The following ARB2A variants were observed in gnomAD, a reference collection of about 807,000 sequenced individuals.
The protein encoded by ARB2A is cotranscriptional regulator ARB2A.
the ARB2A span, among the ~76,000 whole-genome samples, chr5:93,764,187 A>G: frequency 6.6e-6 from 1 of 152,216 alleles, no homozygotes; most frequent in Non-Finnish European, 1.5e-5. Context: ...AAGGCAAGAA[A>G]TAACTAAAAT....
At chr5:93,760,064 T>G in the ARB2A span, among the ~76,000 whole-genome samples, 1 of 152,122 alleles carries the variant, frequency 6.6e-6, no homozygotes. Context: ...GATAAAAGAT[T>G]AATGTACACA....
At chr5:93,897,513 CAA>C in the ARB2A span, among the ~76,000 whole-genome samples, 1 of 151,806 alleles carries the variant, frequency 6.6e-6, no homozygotes, top group Non-Finnish European at 1.5e-5. Flanking sequence ...GCAAAAAGGA[CAA>C]AAGAGACTGT....
At chr5:93,869,293 G>A in the ARB2A span, among the ~76,000 whole-genome samples, 2 of 152,134 alleles carry the variant, frequency 1.3e-5, no homozygotes, top group Non-Finnish European at 2.9e-5. Flanking sequence ...AGTAGAGAGA[G>A]GGGCTAATAT....
chr5:93,869,015 G>A, the ARB2A span, among the ~76,000 whole-genome samples: 29 of 152,218 alleles, frequency 1.9e-4, no homozygotes, highest in Admixed American at 4.6e-4. Flanking sequence ...CTGGTGTAGC[G>A]GGAAAAACAC....
chr5:93,735,331 G>A, the ARB2A span: 1 of 152,198 alleles, frequency 6.6e-6, no homozygotes, highest in Non-Finnish European at 1.5e-5. Context: ...ATGTGAAGCT[G>A]ATTAGTGACA....
At chr5:93,831,569 A>T in the ARB2A span, among the ~76,000 whole-genome samples, 5 of 152,204 alleles carry the variant, frequency 3.3e-5, no homozygotes, top group East Asian at 7.7e-4. Context: ...TCAGTAATCC[A>T]CATATGTGAG....
chr5:93,767,987 C>T, the ARB2A span, among the ~76,000 whole-genome samples: 1 of 102,750 alleles, frequency 9.7e-6, no homozygotes, highest in African/African-American at 4.3e-5. Context: ...GAGCTAGACT[C>T]CATCTCAAAA....
At chr5:93,639,115 G>A in the ARB2A span, among the ~76,000 whole-genome samples, 19,479 of 152,110 alleles carry the variant, frequency 0.13, 1,354 homozygotes, top group Middle Eastern at 0.23. Flanking sequence ...TATGAACAAC[G>A]TAAAACTGGC....
the ARB2A span, among the ~76,000 whole-genome samples, chr5:93,798,168 A>G: frequency 6.6e-6 from 1 of 152,262 alleles, no homozygotes; most frequent in Non-Finnish European, 1.5e-5. Context: ...ACCCACTTCC[A>G]TAAGAACCCA....
the ARB2A span, among the ~76,000 whole-genome samples, chr5:93,831,574 T>C: frequency 6.6e-6 from 1 of 152,090 alleles, no homozygotes; most frequent in East Asian, 1.9e-4. Flanking sequence ...AATCCACATA[T>C]GTGAGATGAT....
the ARB2A span, among the ~76,000 whole-genome samples, chr5:93,760,195 G>C: frequency 6.6e-6 from 1 of 152,100 alleles, no homozygotes; most frequent in South Asian, 2.1e-4. Flanking sequence ...CCTAACCAAG[G>C]AGTCAGAAGA....
chr5:93,873,075 C>T, the ARB2A span, among the ~76,000 whole-genome samples: 7 of 152,002 alleles, frequency 4.6e-5, no homozygotes, highest in Admixed American at 3.3e-4. Flanking sequence ...TAGGCAAAGG[C>T]CTGTCTTCAT....
the ARB2A span, among the ~76,000 whole-genome samples, chr5:94,070,740 G>A: frequency 4.0e-5 from 6 of 151,344 alleles, no homozygotes; most frequent in African/African-American, 9.7e-5. Context: ...TCAACAATAA[G>A]AACACAAACA....
the ARB2A span, among the ~76,000 whole-genome samples, chr5:93,696,970 G>A: frequency 4.0e-5 from 6 of 150,844 alleles, no homozygotes; most frequent in African/African-American, 1.5e-4. Context: ...GCTGAGGCAG[G>A]AGAATCGCTT....
At chr5:93,659,460 T>C in the ARB2A span, among the ~76,000 whole-genome samples, 1 of 152,198 alleles carries the variant, frequency 6.6e-6, no homozygotes, top group South Asian at 2.1e-4. Context: ...TACAGTGTCT[T>C]CTCACTGCAG....
the ARB2A span, among the ~76,000 whole-genome samples, chr5:93,840,642 A>G: frequency 6.6e-6 from 1 of 152,068 alleles, no homozygotes; most frequent in Non-Finnish European, 1.5e-5. Context: ...TTACTACCCT[A>G]ACACTAACAC....
At chr5:93,877,571 T>C in the ARB2A span, among the ~76,000 whole-genome samples, 30 of 152,052 alleles carry the variant, frequency 2.0e-4, no homozygotes, top group Admixed American at 2.0e-3. Context: ...CGCTCAAAGA[T>C]CTAAAGGATT....
chr5:93,921,583 A>G, the ARB2A span, among the ~76,000 whole-genome samples: 1 of 152,118 alleles, frequency 6.6e-6, no homozygotes, highest in Non-Finnish European at 1.5e-5. Context: ...AAAGTGCCCA[A>G]TTCTGGAAAA....
the ARB2A span, among the ~76,000 whole-genome samples, chr5:93,944,535 G>A: frequency 7.3e-5 from 11 of 150,762 alleles, no homozygotes; most frequent in Non-Finnish European, 1.3e-4. Context: ...AGTGAGTCAC[G>A]ATCATGCCAC....
Sources: allele counts gnomAD v4.1 joint callset (sites outside exome capture counted in the v4.1 genomes callset), GRCh38; gene constraint gnomAD v4.1.1; transcripts MANE v1.5; gene names NCBI Gene and HGNC (gene_info 2026-07-23, HGNC 2026-07-21).